The following ZNF197 variants were observed in gnomAD, a reference collection of about 807,000 sequenced individuals.
The protein encoded by ZNF197 is VHL-associated KRAB-A domain-containing protein.
A neutral mutation model predicts 27.4 loss-of-function variants in ZNF197; 14 were observed. The ratio of observed to expected loss-of-function variants is 0.51; its 90% CI spans 0.34 to 0.80. The LOEUF (loss-of-function observed/expected upper bound fraction) is 0.80. Ranked by LOEUF, ZNF197 falls within the 30% of genes least tolerant of loss-of-function variation. The pLI is 0.02. For missense variants in ZNF197, 1,090 were observed against 1,222.6 expected, an observed-to-expected ratio of 0.89 and a Z score of 1.62; for synonymous variants, 415 against 420.0, an observed-to-expected ratio of 0.99 and a Z score of 0.15.
At chr3:44,632,025 T>C in intron 3 of ZNF197, 80 bp from the exon 4 acceptor site, 1 of 1,239,786 alleles carries the variant, frequency 8.1e-7, no homozygotes, top group Non-Finnish European at 1.2e-6. Flanking sequence ...CTGCTACTCT[T>C]TGTGTTATTC....
At position 44,641,963 on chromosome 3, in the gene ZNF197, A is replaced by G. The variant is rs747829444; in HGVS notation, c.833A>G (p.Asp278Gly). Residue 278 changes from aspartate (D) to glycine (G), a missense_variant, in exon 6 of 6, where the codon GAC becomes GGC. Physicochemically the swap from Asp to Gly is moderately conservative, Grantham distance 94. Coordinates refer to ENST00000344387, the MANE Select transcript of ZNF197 (RefSeq NM_006991.5). ...TSKPSSSQRA[D>G]SHKGTSKRLQ... ...AAGCCAAGTAGTTCTCAAAGAGCAG[A>G]CTCTCATAAAGGAACATCAAAAAGA... is the stretch of plus-strand genomic sequence containing the variant. 5 of 1,612,786 alleles carry G rather than the reference A, an allele frequency of 3.1e-6. No individual in the cohort carries two copies. Among genetic ancestry groups the G allele is most frequent in the South Asian group, 1.1e-5 (1 of 90,866 alleles).
At chr3:44,631,353 T>C in intron 3 of ZNF197, 132 bp downstream of exon 3, 1 of 1,130,792 alleles carries the variant, frequency 8.8e-7, no homozygotes, top group South Asian at 1.6e-5. Flanking sequence ...CTTTCTGCTG[T>C]TCTGTTGTTC....
rs1223307792 is a variant in ZNF197 at position 44,640,569 on chromosome 3, G to C, written c.770-1331G>C. ...ATTTTTGTATTTTTGGTAGAGACAG[G>C]GTTTCACCATGTTGGCCAGGCTGGT... On this transcript the variant is annotated intron_variant, in intron 5 of 5. Transcript: ENST00000344387. The surrounding 1 kb of genome is among the most constrained non-coding windows in gnomAD (Gnocchi z 4.0). Among the ~76,000 whole-genome samples the C allele has an allele frequency of 6.6e-6, 1 of 152,130 alleles. No individual in the cohort carries two copies. Among genetic ancestry groups the C allele is most frequent in the Non-Finnish European group, 1.5e-5 (1 of 68,038 alleles).
chr3:44,644,363 G>A lies in ZNF197; in HGVS notation c.*143G>A, dbSNP rs906852649. ...ATATAGAAGAAAGTTAATAGGCCGG[G>A]CTTGGTGGCTCATGCCTGTAATCCC... On this transcript the variant is annotated 3_prime_UTR_variant, in exon 6 of 6. Transcript: ENST00000344387. 4 of 1,405,682 alleles carry A rather than the reference G, an allele frequency of 2.8e-6. No individual in the cohort carries two copies. In the African/African-American group the frequency reaches 4.4e-5, roughly 15 times the overall value. 87.1% of individuals were successfully genotyped at this position (1,405,682 alleles called of 1,614,324 possible). A position where few individuals can be genotyped will look rare whatever the true frequency, so the allele number is the denominator to read the frequency against.
In ZNF197 at chr3:44,644,639, T is replaced by C; in HGVS notation, c.*419T>C. 2 of 987,494 alleles carry C rather than the reference T, an allele frequency of 2.0e-6. No homozygotes were observed. Among genetic ancestry groups the C allele is most frequent in the Non-Finnish European group, 2.4e-6 (2 of 831,466 alleles). The allele number at this position is 987,494 out of a possible 1,614,324, so 61.2% of individuals were successfully genotyped here. ...GGGCAACAAGAGCGAAACTCTTGTCTGAAAAAATAAAGTTCATCCCAACTT... is the reference window on the plus strand; with the variant it reads ...GGGCAACAAGAGCGAAACTCTTGTCCGAAAAAATAAAGTTCATCCCAACTT... On this transcript the variant is annotated 3_prime_UTR_variant, in exon 6 of 6. Transcript: ENST00000344387.
Position 44,643,411 on chromosome 3 carries a change from C to T in ZNF197, c.2281C>T (p.Pro761Ser), listed in dbSNP as rs775200831. 1 of 1,614,180 alleles carries T rather than the reference C, an allele frequency of 6.2e-7. No individual in the cohort carries two copies. Among genetic ancestry groups the T allele is most frequent in the Non-Finnish European group, 8.5e-7 (1 of 1,180,036 alleles). ...TCGGAGAATCCACACCGGAGAAAAA[C>T]CCTTTGAATGCAGTGAGTGTGGAAG... ...VHRRIHTGEK[P>S]FECSECGRAF... The change falls in exon 6 of 6, where the codon CCC (proline) becomes TCC (serine). Residue 761 changes from proline to serine, a missense_variant. Pro to Ser is a moderately conservative substitution (Grantham distance 74). Transcript: ENST00000344387.
Position 44,646,484 on chromosome 3 carries a change from T to G in ZNF197, c.*2264T>G. Reference sequence around the variant, plus strand: ...ATTTAATCAAGCTTCTTGGACCTCATTGCCAGGTTACAGGAAATACAGGAG... The same window carrying G: ...ATTTAATCAAGCTTCTTGGACCTCAGTGCCAGGTTACAGGAAATACAGGAG... On this transcript the variant is annotated 3_prime_UTR_variant, in exon 6 of 6. Transcript: ENST00000344387. 2 of 1,605,728 alleles carry G rather than the reference T, an allele frequency of 1.2e-6. No individual in the cohort carries two copies. Among genetic ancestry groups the G allele is most frequent in the South Asian group, 2.2e-5 (2 of 90,914 alleles).
chr3:44,643,925 G>A lies in ZNF197; in HGVS notation c.2795G>A (p.Cys932Tyr). ...RMHTGEKPYECDKCRKSFTSK... is the reference protein window; with the variant it reads ...RMHTGEKPYEYDKCRKSFTSK... ...CACACTGGGGAAAAACCTTATGAGT[G>A]TGACAAGTGTAGGAAATCCTTTACT... The change falls in exon 6 of 6, where the codon TGT (cysteine) becomes TAT (tyrosine). Residue 932 changes from cysteine to tyrosine, a missense_variant. Physicochemically the swap from Cys to Tyr is radical, Grantham distance 194 (BLOSUM62 -2). Coordinates refer to ENST00000344387, the MANE Select transcript of ZNF197 (RefSeq NM_006991.5). 1 of 1,614,140 alleles carries A rather than the reference G, an allele frequency of 6.2e-7. No individual in the cohort carries two copies. Among genetic ancestry groups the A allele is most frequent in the Non-Finnish European group, 8.5e-7 (1 of 1,180,020 alleles).
intron 1 of ZNF197, among the ~76,000 whole-genome samples, chr3:44,626,960 T>C (rs1440199697): frequency 6.6e-6 from 1 of 152,170 alleles, no homozygotes; most frequent in Non-Finnish European, 1.5e-5. Context: ...GAATAAATTA[T>C]GATACATCTA....
intron 5 of ZNF197, among the ~76,000 whole-genome samples, chr3:44,638,914 A>C (rs932202789): frequency 6.6e-6 from 1 of 152,154 alleles, no homozygotes; most frequent in Non-Finnish European, 1.5e-5. Flanking sequence ...GTGTCTCACC[A>C]TGTTCCCCAA....
Position 44,642,238 on chromosome 3 carries a change from T to C in ZNF197, c.1108T>C (p.Tyr370His), listed in dbSNP as rs1702647718. ...SLIGTEGKKF[Y>H]KCDMCCKHFN... ...AATAGGTACTGAAGGAAAGAAGTTTTATAAATGTGATATGTGTTGTAAACA... is the reference window on the plus strand; with the variant it reads ...AATAGGTACTGAAGGAAAGAAGTTTCATAAATGTGATATGTGTTGTAAACA... The change falls in exon 6 of 6, where the codon TAT becomes CAT. Residue 370 changes from tyrosine (Y) to histidine (H), a missense_variant. Coordinates refer to ENST00000344387, the MANE Select transcript of ZNF197 (RefSeq NM_006991.5). 1 of 1,614,006 alleles carries C rather than the reference T, an allele frequency of 6.2e-7. No individual in the cohort carries two copies. The highest frequency in any genetic ancestry group is 8.5e-7 in the Non-Finnish European group (1 of 1,180,002).
Position 44,629,182 on chromosome 3 carries a change from G to T in ZNF197, c.28G>T (p.Ala10Ser), listed in dbSNP as rs1442772779. Residue 10 changes from alanine (A) to serine (S), a missense_variant, in exon 2 of 6, where the codon GCT becomes TCT. Ala to Ser is a moderately conservative substitution (Grantham distance 99). Coordinates refer to ENST00000344387, the MANE Select transcript of ZNF197 (RefSeq NM_006991.5). ...GACAAGAGAAAATGTAGCCCACAAT[G>T]CTCTGAGACAAGAGGGCCTTGTGAA... MTRENVAHN[A>S]LRQEGLVKGK... 6.2e-7 allele frequency: 1 copy of T among 1,613,308 alleles called. No homozygotes were observed. The highest frequency in any genetic ancestry group is 8.5e-7 in the Non-Finnish European group (1 of 1,179,676).
rs375448017 is a variant in ZNF197, at chr3:44,642,872, T to G, written c.1742T>G (p.Leu581Arg). Reference protein sequence around the residue: ...CGKVFIRSKSLLLHQRVHTEK... With the variant: ...CGKVFIRSKSRLLHQRVHTEK... ...AAAGTTTTCATTCGAAGCAAAAGCCTCCTCTTACATCAGAGAGTCCACACA... is the reference window on the plus strand; with the variant it reads ...AAAGTTTTCATTCGAAGCAAAAGCCGCCTCTTACATCAGAGAGTCCACACA... The change falls in exon 6 of 6, where the codon CTC becomes CGC. Residue 581 changes from leucine (L) to arginine (R), a missense_variant. Transcript: ENST00000344387. 1.6e-5 allele frequency: 26 copies of G among 1,614,028 alleles called. No homozygotes were observed. The highest frequency in any genetic ancestry group is 8.0e-5 in the African/African-American group (6 of 74,926).
Position 44,641,894 on chromosome 3 carries a change from T to C in ZNF197, c.770-6T>C. 6.4e-7 allele frequency: 1 copy of C among 1,572,300 alleles called. No individual in the cohort carries two copies. The highest frequency in any genetic ancestry group is 8.6e-7 in the Non-Finnish European group (1 of 1,162,924). ...TAACATTTGCATTTTTAATTCCTTTTACCAGAATGGGAGACCATGACCGAG... is the reference window on the plus strand; with the variant it reads ...TAACATTTGCATTTTTAATTCCTTTCACCAGAATGGGAGACCATGACCGAG... On this transcript the variant is annotated splice_region_variant and splice_polypyrimidine_tract_variant and intron_variant, in intron 5 of 5. Transcript: ENST00000344387.
At chr3:44,632,876 T>G (rs1702090582) in intron 5 of ZNF197, among the ~76,000 whole-genome samples, 1 of 152,156 alleles carries the variant, frequency 6.6e-6, no homozygotes, top group African/African-American at 2.4e-5. Flanking sequence ...TTGTGTGTGT[T>G]CTCACATGTT....
rs752804313 is a variant in ZNF197, at chr3:44,642,768, C to T, written c.1638C>T (p.Thr546=). The T allele has an allele frequency of 6.2e-7, 1 of 1,613,618 alleles. No homozygotes were observed. Among genetic ancestry groups the T allele is most frequent in the Admixed American group, 1.7e-5 (1 of 59,978 alleles). The change falls in exon 6 of 6, where the codon ACC becomes ACT. Residue 546 remains threonine, a synonymous_variant. Coordinates refer to ENST00000344387, the MANE Select transcript of ZNF197 (RefSeq NM_006991.5). ...ATAAATGTGATGAATGTGGAAAGAC[C>T]TTTGCTCAGACCACTTATCTTATTG... ...KPYKCDECGK[T]FAQTTYLIDH... is the part of the protein sequence containing the mutation.
chr3:44,646,135 C>T lies in ZNF197; in HGVS notation c.*1915C>T. 2 of 985,154 alleles carry T rather than the reference C, an allele frequency of 2.0e-6. No individual in the cohort carries two copies. Among genetic ancestry groups the T allele is most frequent in the Non-Finnish European group, 1.2e-6 (1 of 829,740 alleles). The allele number at this position is 985,154 out of a possible 1,614,324, so 61.0% of individuals were successfully genotyped here. ...GGCCTAAGGCTTAAAGTCTTAAGAC[C>T]TGGATGTGGTTCAGGTTTTGCCATC... On this transcript the variant is annotated 3_prime_UTR_variant, in exon 6 of 6. Coordinates refer to ENST00000344387, the MANE Select transcript of ZNF197 (RefSeq NM_006991.5).
At chr3:44,632,736 T>G in intron 5 of ZNF197, 137 bp downstream of exon 5, 1 of 1,029,588 alleles carries the variant, frequency 9.7e-7, no homozygotes, top group Non-Finnish European at 1.3e-6. Context: ...TTAACATCGC[T>G]ATTTCCAGAT....
rs1703079169 is a variant in ZNF197 at position 44,648,324 on chromosome 3, T to G, written c.*4104T>G. 6.6e-6 allele frequency: 1 copy of G among 152,190 alleles called. No homozygotes were observed. The highest frequency in any genetic ancestry group is 1.5e-5 in the Non-Finnish European group (1 of 68,032). 9.4% of individuals were successfully genotyped at this position (152,190 alleles called of 1,614,324 possible). A position where few individuals can be genotyped will look rare whatever the true frequency, so the allele number is the denominator to read the frequency against. ...CTGATGTTTACAACTTTCAAAAAAA[T>G]GATTTTAAATATGTATTGAGAGATC... On this transcript the variant is annotated 3_prime_UTR_variant, in exon 6 of 6. Transcript: ENST00000344387.
Sources: gnomAD v4.1 joint callset for allele counts (sites outside exome capture counted in the v4.1 genomes callset) on GRCh38, gnomAD v4.1.1 for gene constraint, Gnocchi (gnomAD v3.1) non-coding constraint, MANE v1.5 for transcripts, NCBI Gene and HGNC (gene_info 2026-07-23, HGNC 2026-07-21) for gene names.